Variants in AKNA observed in about 807,000 individuals in gnomAD.
AKNA encodes the protein AT-hook transcription factor.
AKNA carries 67 observed loss-of-function variants against 138.8 expected under a neutral mutation model. The observed-to-expected ratio is 0.48, with a 90% CI of 0.40 to 0.59. The LOEUF (loss-of-function observed/expected upper bound fraction) is 0.59, where lower values mean the gene tolerates loss of function less well. Ranked by LOEUF, AKNA falls within the 20% of genes least tolerant of loss-of-function variation. The pLI is 0.00. For synonymous variants in AKNA, 737 were observed against 754.4 expected, an observed-to-expected ratio of 0.98 and a Z score of 0.38; for missense variants, 1,813 against 1,880.4, an observed-to-expected ratio of 0.96 and a Z score of 0.66.
rs920984117 is a variant in AKNA, at chr9:114,335,789, G to GA, written c.*1264dup. ...TCAGTCTCAAAAAAAAAAAAAAAAA[G>GA]AAAAAGAAAAAAGAAAAAAAAAAGA... On this transcript the variant is annotated 3_prime_UTR_variant, in exon 22 of 22. Transcript: ENST00000374088. 7.9e-6 allele frequency: 1 copy of GA among 127,334 alleles called. No homozygotes were observed. The highest frequency in any genetic ancestry group is 2.9e-5 in the African/African-American group (1 of 34,442). The allele number at this position is 127,334 out of a possible 1,614,324, so 7.9% of individuals were successfully genotyped here.
chr9:114,359,394 T>C (rs1234708996), intron 11 of AKNA, 200 bp downstream of exon 11: 3 of 1,012,938 alleles, frequency 3.0e-6, no homozygotes, highest in Non-Finnish European at 4.2e-6. Flanking sequence ...TAATACTGCA[T>C]GTGTCCTACT....
chr9:114,392,125 C>T (rs1303593912), upstream of AKNA, among the ~76,000 whole-genome samples: 4 of 113,390 alleles, frequency 3.5e-5, no homozygotes, highest in South Asian at 1.2e-3. Context: ...AAAAAAAAAT[C>T]CACAGGGAGT....
chr9:114,368,775 T>C (rs974174450), intron 4 of AKNA, among the ~76,000 whole-genome samples, 180 bp from the exon 5 acceptor site: 3 of 152,334 alleles, frequency 2.0e-5, no homozygotes, highest in African/African-American at 2.4e-5. Flanking sequence ...CATTTACTCT[T>C]AATGGCAGTC....
Position 114,342,051 on chromosome 9 carries a change from C to A in AKNA, c.3832G>T (p.Gly1278Trp). 6.2e-7 allele frequency: 1 copy of A among 1,613,998 alleles called. No individual in the cohort carries two copies. Among genetic ancestry groups the A allele is most frequent in the African/African-American group, 1.3e-5 (1 of 75,034 alleles). Residue 1278 changes from glycine (G) to tryptophan (W), a missense_variant, in exon 20 of 22, where the codon GGG becomes TGG. Gly to Trp is a radical substitution (Grantham distance 184). Coordinates refer to ENST00000374088, the MANE Select transcript of AKNA (RefSeq NM_001317950.2). ...GGACCATCTGCCTCTGGGGGAGACC[C>A]AACTTGACCACACAGGGGACACTGA... ...TLQCPLCGQV[G>W]SPPEADGPGS...
At chr9:114,395,851 A>G (rs1471997179), upstream of AKNA, among the ~76,000 whole-genome samples, 2 of 151,788 alleles carry the variant, frequency 1.3e-5, no homozygotes. Flanking sequence ...CAAGCTATTG[A>G]TATCACTGAA....
chr9:114,339,955 C>T (rs978635715), intron 21 of AKNA, among the ~76,000 whole-genome samples: 5 of 152,090 alleles, frequency 3.3e-5, no homozygotes, highest in African/African-American at 9.7e-5. Flanking sequence ...AAAAATTAGC[C>T]GGGTGTGGTG....
chr9:114,366,903 A>G (rs1040033388), intron 6 of AKNA, among the ~76,000 whole-genome samples: 8 of 152,196 alleles, frequency 5.3e-5, no homozygotes, highest in Admixed American at 3.9e-4. Flanking sequence ...TTAGGGTCCA[A>G]CAGAACATTT....
chr9:114,342,314 C>T (rs1423558850), intron 19 of AKNA, among the ~76,000 whole-genome samples, 189 bp from the exon 20 acceptor site: 1 of 152,136 alleles, frequency 6.6e-6, no homozygotes, highest in East Asian at 1.9e-4. Context: ...TGAGCCAGGC[C>T]CTCTGCTAAG....
At chr9:114,351,135 C>T in intron 14 of AKNA, 114 bp from the exon 15 acceptor site, 1 of 1,129,112 alleles carries the variant, frequency 8.9e-7, no homozygotes, top group South Asian at 1.5e-5. Context: ...AGTTCAAGGT[C>T]ACAAAGGAAG....
Position 114,337,012 on chromosome 9 carries a change from T to TGGGGGGGGGGCG in AKNA, c.*41_*42insCGCCCCCCCCCC. The TGGGGGGGGGGCG allele has an allele frequency of 8.3e-7, 1 of 1,208,224 alleles. No homozygotes were observed. Among genetic ancestry groups the TGGGGGGGGGGCG allele is most frequent in the Non-Finnish European group, 1.1e-6 (1 of 929,350 alleles). 74.8% of individuals were successfully genotyped at this position (1,208,224 alleles called of 1,614,324 possible). ...CCCACTCCTGGCCTGGCAGGCCACC[T>TGGGGGGGGGGCG]GCCCACCCACCCACCCATCTGCCTC... On this transcript the variant is annotated 3_prime_UTR_variant, in exon 22 of 22. Coordinates refer to ENST00000374088, the MANE Select transcript of AKNA (RefSeq NM_001317950.2).
Position 114,376,317 on chromosome 9 carries a change from C to T in AKNA, c.1341+149G>A, listed in dbSNP as rs140961956. 620 of 783,434 alleles carry T rather than the reference C, an allele frequency of 7.9e-4. 5 individuals carry two copies. In the East Asian group the frequency reaches 0.016, roughly 20 times the overall value. The allele number at this position is 783,434 out of a possible 1,614,324, so 48.5% of individuals were successfully genotyped here. On this transcript the variant is annotated intron_variant, in intron 3 of 21. Transcript: ENST00000374088. ...CAGGCCTCCCCACCCCACCAGCCTC[C>T]GTCCTAGGGCTTCCCACCCCAGCCA...
upstream of AKNA, among the ~76,000 whole-genome samples, chr9:114,397,061 G>A (rs1424123368): frequency 1.3e-5 from 2 of 152,108 alleles, no homozygotes; most frequent in East Asian, 1.9e-4. Flanking sequence ...GGGAGCTGAT[G>A]AAATCCCCTT....
intron 21 of AKNA, among the ~76,000 whole-genome samples, chr9:114,339,088 C>T (rs139894192): frequency 6.6e-6 from 1 of 152,294 alleles, no homozygotes; most frequent in Non-Finnish European, 1.5e-5. Flanking sequence ...GCTGTAAAGT[C>T]GAAAAATCAT....
upstream of AKNA, among the ~76,000 whole-genome samples, chr9:114,390,918 TTTGA>T (rs1335845274): frequency 6.6e-6 from 1 of 152,260 alleles, no homozygotes; most frequent in Non-Finnish European, 1.5e-5. Flanking sequence ...TATGTGATTA[TTTGA>T]TTAACATCTG....
chr9:114,335,785 A>G lies in AKNA; in HGVS notation c.*1269T>C, dbSNP rs957184551. The G allele has an allele frequency of 3.4e-5, 5 of 148,480 alleles. No individual in the cohort carries two copies. Among genetic ancestry groups the G allele is most frequent in the East Asian group, 1.9e-4 (1 of 5,178 alleles). The allele number at this position is 148,480 out of a possible 1,614,324, so 9.2% of individuals were successfully genotyped here. On this transcript the variant is annotated 3_prime_UTR_variant, in exon 22 of 22. Transcript: ENST00000374088. ...AAACTCAGTCTCAAAAAAAAAAAAA[A>G]AAAGAAAAAGAAAAAAGAAAAAAAA...
chr9:114,363,546 C>T (rs1460408894), intron 7 of AKNA, among the ~76,000 whole-genome samples: 2 of 152,224 alleles, frequency 1.3e-5, no homozygotes, highest in East Asian at 3.8e-4. Context: ...GGAAAATGTA[C>T]ATGACATCTA....
rs559677406 is a variant in AKNA, at chr9:114,374,896, T to C, written c.1342-729A>G. Among the ~76,000 whole-genome samples the C allele has an allele frequency of 2.2e-4, 34 of 152,300 alleles. No homozygotes were observed. In the South Asian group the frequency reaches 6.0e-3, roughly 27 times the overall value. On this transcript the variant is annotated intron_variant, in intron 3 of 21. Transcript: ENST00000374088. ...TAGGAACAAGAACTTGGTAACCAAG[T>C]AGTTGATGAGGGACACTTTTACTTT...
chr9:114,398,246 G>A (rs1352323832), upstream of AKNA, among the ~76,000 whole-genome samples: 2 of 152,326 alleles, frequency 1.3e-5, no homozygotes, highest in East Asian at 3.9e-4. The surrounding 1 kb of genome is among the most constrained non-coding windows in gnomAD (Gnocchi z 4.2). Context: ...CCCATTCCCG[G>A]AGCGGTGATG....
At position 114,345,957 on chromosome 9, in the gene AKNA, G is replaced by T; in HGVS notation, c.3567C>A (p.Thr1189=). The change falls in exon 18 of 22, where the codon ACC becomes ACA. Residue 1189 remains threonine, a synonymous_variant. Transcript: ENST00000374088. ...GAGCTGCCTGTGGACTGTCCTTGGT[G>T]GTCTTGCTCTTCTCAGAGAACAGTG... ...SLPLFSEKSK[T]TKDSPQAARD... 1 of 1,614,060 alleles carries T rather than the reference G, an allele frequency of 6.2e-7. No homozygotes were observed. The highest frequency in any genetic ancestry group is 8.5e-7 in the Non-Finnish European group (1 of 1,180,014).
Sources: allele counts gnomAD v4.1 joint callset (sites outside exome capture counted in the v4.1 genomes callset), GRCh38; gene constraint gnomAD v4.1.1; non-coding constraint Gnocchi (gnomAD v3.1); transcripts MANE v1.5; gene names NCBI Gene and HGNC (gene_info 2026-07-23, HGNC 2026-07-21).